OR4F6: variants seen among roughly 807,000 people sequenced by gnomAD.
OR4F6 encodes the protein olfactory receptor family 4 subfamily F member 6, also known as olfactory receptor 4F6.
A neutral mutation model predicts 15.9 loss-of-function variants in OR4F6; 13 were observed. The observed-to-expected ratio is 0.82, with a 90% CI of 0.53 to 1.30. The LOEUF (loss-of-function observed/expected upper bound fraction) is 1.30, where lower values mean the gene tolerates loss of function less well. Among genes scored for constraint, OR4F6 ranks in the 50% most tolerant of loss-of-function variants. The probability of loss-of-function intolerance (pLI) is 0.00; values close to 1 mark genes in which losing one functional copy is unlikely to be tolerated. For synonymous variants in OR4F6, 150 were observed against 133.8 expected (o/e 1.12, Z -0.83); for missense variants, 426 against 367.2 (o/e 1.16, Z -1.31).
intron 1 of OR4F6, among the ~76,000 whole-genome samples, chr15:101,804,935 T>C (rs1245436527): frequency 6.6e-6 from 1 of 152,188 alleles, no homozygotes; most frequent in Non-Finnish European, 1.5e-5. Context: ...ATTGGAGACA[T>C]TGATAGAGTA....
Position 101,806,204 on chromosome 15 carries a change from T to G in OR4F6, c.485T>G (p.Phe162Cys). 1 of 1,614,204 alleles carries G rather than the reference T, an allele frequency of 6.2e-7. No individual in the cohort carries two copies. The highest frequency in any genetic ancestry group is 8.5e-7 in the Non-Finnish European group (1 of 1,180,014). The change falls in exon 2 of 2, where the codon TTT becomes TGT. Residue 162 changes from phenylalanine (F) to cysteine (C), a missense_variant. Physicochemically the swap from Phe to Cys is radical, Grantham distance 205. Coordinates refer to ENST00000328882, the MANE Select transcript of OR4F6 (RefSeq NM_001005326.2). Reference sequence around the variant, plus strand: ...ATTCACTCAGTGATTCAGTTGGCTTTTGTTGTAGACCTGCTGTTCTGTGGC... The same window carrying G: ...ATTCACTCAGTGATTCAGTTGGCTTGTGTTGTAGACCTGCTGTTCTGTGGC... ...GIIHSVIQLA[F>C]VVDLLFCGPN...
chr15:101,804,623 T>A (rs116730976), intron 1 of OR4F6, among the ~76,000 whole-genome samples: 1,552 of 152,282 alleles, frequency 0.01, 22 homozygotes, highest in African/African-American at 0.036. Context: ...AATTCTGTCT[T>A]CATGGAAAAG....
intron 1 of OR4F6, among the ~76,000 whole-genome samples, chr15:101,805,066 C>A (rs1024451342): frequency 6.6e-6 from 1 of 152,034 alleles, no homozygotes; most frequent in Non-Finnish European, 1.5e-5. Flanking sequence ...AGCTGAGTTG[C>A]CCTTTATGAA....
At chr15:101,805,658 C>T in intron 1 of OR4F6, 29 bp from the exon 2 acceptor site, 1 of 1,350,124 alleles carries the variant, frequency 7.4e-7, no homozygotes, top group Non-Finnish European at 1.0e-6. Context: ...TGTCCTAAAT[C>T]AAAGTTTCTC....
chr15:101,803,690 A>G (rs1235573631), intron 1 of OR4F6, 145 bp downstream of exon 1: 1 of 152,200 alleles, frequency 6.6e-6, no homozygotes, highest in African/African-American at 2.4e-5. Context: ...ATTAACTAAC[A>G]ACTGAAATAT....
intron 1 of OR4F6, among the ~76,000 whole-genome samples, chr15:101,804,052 T>C (rs1171271166): frequency 6.6e-6 from 1 of 152,208 alleles, no homozygotes; most frequent in Non-Finnish European, 1.5e-5. Context: ...ATTTACCCTC[T>C]TTGTACCTTG....
intron 1 of OR4F6, among the ~76,000 whole-genome samples, chr15:101,804,932 A>C (rs567798831): frequency 6.6e-6 from 1 of 152,336 alleles, no homozygotes; most frequent in East Asian, 1.9e-4. Context: ...GAAATTGGAG[A>C]CATTGATAGA....
intron 1 of OR4F6, among the ~76,000 whole-genome samples, chr15:101,805,184 GTTAGATCACTC>G (rs1902775975): frequency 6.6e-6 from 1 of 152,174 alleles, no homozygotes; most frequent in Non-Finnish European, 1.5e-5. Context: ...AGTGTTCTTT[GTTAGATCACTC>G]TTAGAACACT....
At chr15:101,804,051 C>T (rs948703052) in intron 1 of OR4F6, among the ~76,000 whole-genome samples, 1 of 152,202 alleles carries the variant, frequency 6.6e-6, no homozygotes, top group African/African-American at 2.4e-5. Flanking sequence ...CATTTACCCT[C>T]TTTGTACCTT....
chr15:101,806,432 C>G lies in OR4F6; in HGVS notation c.713C>G (p.Ser238Cys), dbSNP rs140966649. ...KSSGGIFKAF[S>C]MLSAHVIVVV... ...TCAGGTGGTATATTCAAGGCTTTCTCTATGCTGTCAGCTCATGTCATTGTG... is the reference window on the plus strand; with the variant it reads ...TCAGGTGGTATATTCAAGGCTTTCTGTATGCTGTCAGCTCATGTCATTGTG... Residue 238 changes from serine (S) to cysteine (C), a missense_variant, in exon 2 of 2, where the codon TCT (serine) becomes TGT (cysteine). Physicochemically the swap from Ser to Cys is moderately radical, Grantham distance 112. Coordinates refer to ENST00000328882, the MANE Select transcript of OR4F6 (RefSeq NM_001005326.2). 585 of 1,613,540 alleles carry G rather than the reference C, an allele frequency of 3.6e-4. 2 individuals carry two copies. The African/African-American group carries it at 6.0e-3, about 17-fold the overall frequency.
chr15:101,806,844 C>G lies in OR4F6; in HGVS notation c.*186C>G. 4.6e-6 allele frequency: 2 copies of G among 438,994 alleles called. No individual in the cohort carries two copies. The highest frequency in any genetic ancestry group is 8.0e-6 in the Non-Finnish European group (2 of 250,672). The allele number at this position is 438,994 out of a possible 1,614,324, so 27.2% of individuals were successfully genotyped here. On this transcript the variant is annotated 3_prime_UTR_variant, in exon 2 of 2. Transcript: ENST00000328882. Reference sequence around the variant, plus strand: ...TTATATAGGAGATTTAAAGATTAAACAGTGTGGCTACTTTATTTCACCAAC... The same window carrying G: ...TTATATAGGAGATTTAAAGATTAAAGAGTGTGGCTACTTTATTTCACCAAC...
In OR4F6 at chr15:101,806,661, A is replaced by G. The variant is rs1902814923; in HGVS notation, c.*3A>G. ...TGAATTACAGTAAAATCTTTTAAAT[A>G]TATTGAGAATATACAAAAAGGCAAA... On this transcript the variant is annotated 3_prime_UTR_variant, in exon 2 of 2. Coordinates refer to ENST00000328882, the MANE Select transcript of OR4F6 (RefSeq NM_001005326.2). The G allele has an allele frequency of 6.6e-7, 1 of 1,507,798 alleles. No individual in the cohort carries two copies. Among genetic ancestry groups the G allele is most frequent in the Non-Finnish European group, 8.9e-7 (1 of 1,122,194 alleles). 93.4% of individuals were successfully genotyped at this position (1,507,798 alleles called of 1,614,324 possible).
At chr15:101,804,404 G>A (rs555894402) in intron 1 of OR4F6, among the ~76,000 whole-genome samples, 1 of 152,180 alleles carries the variant, frequency 6.6e-6, no homozygotes, top group Non-Finnish European at 1.5e-5. Flanking sequence ...CCTGAGCAGA[G>A]GACAGAGTGA....
chr15:101,804,180 TG>T (rs10713522), intron 1 of OR4F6, among the ~76,000 whole-genome samples: 152,320 of 152,322 alleles, frequency 1, 76,159 homozygotes, highest in Middle Eastern at 1. Context: ...AACAGTAATT[TG>T]GGGAGCATGC....
intron 1 of OR4F6, among the ~76,000 whole-genome samples, chr15:101,804,231 A>C (rs578031798): frequency 6.6e-6 from 1 of 152,264 alleles, no homozygotes; most frequent in African/African-American, 2.4e-5. Context: ...TTCATATTTT[A>C]AGTGGTGTCC....
At chr15:101,803,750 T>C (rs1352732992) in intron 1 of OR4F6, among the ~76,000 whole-genome samples, 1 of 152,222 alleles carries the variant, frequency 6.6e-6, no homozygotes, top group Non-Finnish European at 1.5e-5. Flanking sequence ...TGTTCAATAT[T>C]GGAAAGGTTA....
Position 101,806,122 on chromosome 15 carries a change from A to G in OR4F6, c.403A>G (p.Ile135Val). 1 of 1,614,182 alleles carries G rather than the reference A, an allele frequency of 6.2e-7. No homozygotes were observed. Among genetic ancestry groups the G allele is most frequent in the Non-Finnish European group, 8.5e-7 (1 of 1,180,030 alleles). ...AICKPLHYLT[I>V]MNPQRCILFL... ...ATGTAAGCCTCTCCACTACCTGACC[A>G]TCATGAACCCACAAAGGTGCATTTT... The change falls in exon 2 of 2, where the codon ATC becomes GTC. Residue 135 changes from isoleucine to valine, a missense_variant. Physicochemically the swap from Ile to Val is conservative, Grantham distance 29 (BLOSUM62 3). Transcript: ENST00000328882.
In OR4F6 at chr15:101,806,598, G is replaced by T. The variant is rs1419951946; in HGVS notation, c.879G>T (p.Glu293Asp). The stretch of plus-strand genomic sequence containing the variant: ...TCATCTATACTTTTAGAAATAAAGA[G>T]ATGATGGTGGCAATGAGAAGACGAT... ...NPVIYTFRNK[E>D]MMVAMRRRCS... Residue 293 changes from glutamate to aspartate, a missense_variant, in exon 2 of 2, where the codon GAG becomes GAT. Physicochemically the swap from Glu to Asp is conservative, Grantham distance 45. Coordinates refer to ENST00000328882, the MANE Select transcript of OR4F6 (RefSeq NM_001005326.2). 3.1e-6 allele frequency: 5 copies of T among 1,606,610 alleles called. No individual in the cohort carries two copies. In the African/African-American group the frequency reaches 6.7e-5, roughly 22 times the overall value.
rs752406625 is a variant in OR4F6 at position 101,806,552 on chromosome 15, T to C, written c.833T>C (p.Ile278Thr). The C allele has an allele frequency of 1.9e-6, 3 of 1,613,640 alleles. No individual in the cohort carries two copies. The Admixed American group carries it at 5.0e-5, about 27-fold the overall frequency. ...DKFLAIFDAV[I>T]TPVLNPVIYT... Reference sequence around the variant, plus strand: ...TTCCTTGCCATCTTTGATGCAGTTATCACTCCCGTTTTGAATCCAGTCATC... The same window carrying C: ...TTCCTTGCCATCTTTGATGCAGTTACCACTCCCGTTTTGAATCCAGTCATC... The change falls in exon 2 of 2, where the codon ATC (isoleucine) becomes ACC (threonine). Residue 278 changes from isoleucine to threonine, a missense_variant. Ile to Thr is a moderately conservative substitution (Grantham distance 89). Transcript: ENST00000328882.
Sources: gnomAD v4.1 joint callset for allele counts (sites outside exome capture counted in the v4.1 genomes callset) on GRCh38, gnomAD v4.1.1 for gene constraint, MANE v1.5 for transcripts, NCBI Gene and HGNC (gene_info 2026-07-23, HGNC 2026-07-21) for gene names.